The following PCDH15 variants were observed in gnomAD, a reference collection of about 807,000 sequenced individuals.
PCDH15 encodes protocadherin-15.
A neutral mutation model predicts 178.5 loss-of-function variants in PCDH15; 129 were observed. The observed-to-expected ratio is 0.72, with a 90% CI of 0.63 to 0.84. The LOEUF is 0.84. Ranked by LOEUF, PCDH15 falls within the 40% of genes least tolerant of loss-of-function variation. The pLI is 0.00. For missense variants in PCDH15, 2,230 were observed against 2,099.9 expected (o/e 1.06, Z -1.21); for synonymous variants, 800 against 732.0 (o/e 1.09, Z -1.50).
chr10:53,819,317 A>G (rs2076172320), intron 33 of PCDH15, among the ~76,000 whole-genome samples: 1 of 152,030 alleles, frequency 6.6e-6, no homozygotes, highest in South Asian at 2.1e-4. Flanking sequence ...AAAATAAAAT[A>G]TCAATAGATA....
At chr10:54,696,973 G>A (rs1380907319) in intron 1 of PCDH15, among the ~76,000 whole-genome samples, 1 of 152,032 alleles carries the variant, frequency 6.6e-6, no homozygotes, top group East Asian at 1.9e-4. Context: ...TAGAGATGGT[G>A]TATCACTATG....
chr10:54,098,233 T>C (rs2094738580), intron 15 of PCDH15, among the ~76,000 whole-genome samples: 1 of 141,782 alleles, frequency 7.1e-6, no homozygotes, highest in Non-Finnish European at 1.6e-5. Flanking sequence ...TGTGTGTGTG[T>C]CCTATTCTAC....
chr10:54,282,116 G>A (rs2058737043), intron 8 of PCDH15, among the ~76,000 whole-genome samples: 1 of 151,922 alleles, frequency 6.6e-6, no homozygotes, highest in South Asian at 2.1e-4. Context: ...TTAAATCAAT[G>A]GTACAAATTA....
chr10:54,822,812 TA>T (rs577305947), intron 3 of PCDH15, among the ~76,000 whole-genome samples: 1 of 151,996 alleles, frequency 6.6e-6, no homozygotes, highest in Non-Finnish European at 1.5e-5. Context: ...GTCTTTTTGT[TA>T]AAAGTCATAT....
In PCDH15 at chr10:53,867,478, A is replaced by G. The variant is rs1318734629; in HGVS notation, c.3502-621T>C. 2.0e-5 allele frequency among the ~76,000 whole-genome samples: 3 copies of G among 152,278 alleles called. No individual in the cohort carries two copies. The East Asian group carries it at 5.8e-4, about 29-fold the overall frequency. ...TGCTATGCATTATACATATAGAAAC[A>G]TCTATGTACCCAATAAGTAAGTACT... On this transcript the variant is annotated intron_variant, in intron 26 of 37. Coordinates refer to ENST00000644397, the MANE Select transcript of PCDH15 (RefSeq NM_001384140.1).
chr10:54,808,531 CT>C (rs2133725692), intron 3 of PCDH15, among the ~76,000 whole-genome samples: 1 of 152,298 alleles, frequency 6.6e-6, no homozygotes, highest in African/African-American at 2.4e-5. Context: ...GCAGTCTCAT[CT>C]TTTAGCTCCT....
intron 15 of PCDH15, among the ~76,000 whole-genome samples, chr10:54,131,376 A>C (rs1401246552): frequency 6.6e-6 from 1 of 152,142 alleles, no homozygotes; most frequent in Non-Finnish European, 1.5e-5. Flanking sequence ...TGCTTCAATA[A>C]ATGAGTTCCC....
intron 10 of PCDH15, among the ~76,000 whole-genome samples, chr10:54,208,504 C>T (rs540210244): frequency 2.6e-5 from 4 of 151,768 alleles, no homozygotes; most frequent in Non-Finnish European, 5.9e-5. Flanking sequence ...GCTCTCTCAC[C>T]CTCTCACCCT....
intron 2 of PCDH15, among the ~76,000 whole-genome samples, chr10:55,345,513 G>T (rs868862137): frequency 6.6e-6 from 1 of 152,002 alleles, no homozygotes; most frequent in Non-Finnish European, 1.5e-5. Flanking sequence ...CCACCCTCTT[G>T]TCGGTCCTGT....
intron 8 of PCDH15, among the ~76,000 whole-genome samples, chr10:54,257,403 CTTTTTTT>C (rs71461225): frequency 2.4e-5 from 3 of 126,024 alleles, no homozygotes; most frequent in Non-Finnish European, 4.9e-5. Context: ...GAATTGTCTT[CTTTTTTT>C]TTTTTTTTTT....
At chr10:55,449,488 C>G (rs1839387547) in intron 2 of PCDH15, among the ~76,000 whole-genome samples, 1 of 151,952 alleles carries the variant, frequency 6.6e-6, no homozygotes, top group African/African-American at 2.4e-5. Context: ...ATTGCCCTGT[C>G]TAAAATGAGA....
chr10:54,409,860 A>G lies in PCDH15; in HGVS notation c.158-30918T>C, dbSNP rs1953229398. Among the ~76,000 whole-genome samples, 3 of 152,210 alleles carry G rather than the reference A, an allele frequency of 2.0e-5. No individual in the cohort carries two copies. In the South Asian group the frequency reaches 6.2e-4, roughly 32 times the overall value. Reference sequence around the variant, plus strand: ...CTGACTTGGGTGCTCTTGCCCTCTCACTATGTGCTGCCCTCTCACCATGTA... The same window carrying G: ...CTGACTTGGGTGCTCTTGCCCTCTCGCTATGTGCTGCCCTCTCACCATGTA... On this transcript the variant is annotated intron_variant, in intron 3 of 37. Coordinates refer to ENST00000644397, the MANE Select transcript of PCDH15 (RefSeq NM_001384140.1).
chr10:55,553,327 G>T (rs1455312803), intron 2 of PCDH15, among the ~76,000 whole-genome samples: 1 of 151,284 alleles, frequency 6.6e-6, no homozygotes, highest in Non-Finnish European at 1.5e-5. Context: ...CTGAATTATT[G>T]AGTAAATGTA....
rs536781422 is a variant in PCDH15 at position 53,803,602 on chromosome 10, C to A, written c.*2977G>T. ...TTTTGGCCAACCTACGGTTGCAATT[C>A]TATGACAACTCTCAGAGTCTGTAAT... On this transcript the variant is annotated 3_prime_UTR_variant, in exon 38 of 38. Coordinates refer to ENST00000644397, the MANE Select transcript of PCDH15 (RefSeq NM_001384140.1). 4 of 152,044 alleles carry A rather than the reference C, an allele frequency of 2.6e-5. No homozygotes were observed. Among genetic ancestry groups the A allele is most frequent in the Non-Finnish European group, 5.9e-5 (4 of 67,864 alleles). The allele number at this position is 152,044 out of a possible 1,614,324, so 9.4% of individuals were successfully genotyped here. A position where few individuals can be genotyped will look rare whatever the true frequency, so the allele number is the denominator to read the frequency against.
At chr10:54,429,333 C>G (rs1426698829) in intron 3 of PCDH15, among the ~76,000 whole-genome samples, 1 of 151,836 alleles carries the variant, frequency 6.6e-6, no homozygotes, top group East Asian at 1.9e-4. Flanking sequence ...AAAATTACAG[C>G]AGATACACAA....
intron 1 of PCDH15, among the ~76,000 whole-genome samples, chr10:55,234,008 G>C (rs2132202157): frequency 6.6e-6 from 1 of 152,106 alleles, no homozygotes; most frequent in Non-Finnish European, 1.5e-5. Context: ...TTACCTGAAG[G>C]CTATGTTGAT....
intron 2 of PCDH15, among the ~76,000 whole-genome samples, chr10:55,417,590 C>T (rs1401593415): frequency 6.6e-6 from 1 of 151,320 alleles, no homozygotes; most frequent in Non-Finnish European, 1.5e-5. Context: ...ACGAAATGCT[C>T]TTAAAGTTTT....
chr10:54,627,018 A>G (rs992853619), intron 2 of PCDH15, among the ~76,000 whole-genome samples: 2 of 152,182 alleles, frequency 1.3e-5, no homozygotes, highest in Non-Finnish European at 2.9e-5. Flanking sequence ...TGGATTTCCA[A>G]CTTACATGGG....
chr10:54,565,257 T>C (rs2088853856), intron 2 of PCDH15, among the ~76,000 whole-genome samples: 1 of 152,200 alleles, frequency 6.6e-6, no homozygotes, highest in Non-Finnish European at 1.5e-5. Context: ...ATTTGCATGT[T>C]GTCACATAGT....
Sources: allele counts gnomAD v4.1 joint callset (sites outside exome capture counted in the v4.1 genomes callset), GRCh38; gene constraint gnomAD v4.1.1; transcripts MANE v1.5; gene names NCBI Gene and HGNC (gene_info 2026-07-23, HGNC 2026-07-21).